Variants in COIL observed in about 807,000 individuals in gnomAD.
COIL encodes the protein coilin, also known as coilin p80.
Under a neutral mutation model 51.6 loss-of-function variants are expected in COIL, and 28 were observed. The ratio of observed to expected loss-of-function variants is 0.54; its 90% CI spans 0.40 to 0.74. The LOEUF (loss-of-function observed/expected upper bound fraction) is 0.74, where lower values mean the gene tolerates loss of function less well. Ranked by LOEUF, COIL falls within the 30% of genes least tolerant of loss-of-function variation. The pLI is 0.00. For synonymous variants in COIL, 233 were observed against 255.8 expected (o/e 0.91, Z 0.85); for missense variants, 667 against 685.9 (o/e 0.97, Z 0.31).
At position 56,960,989 on chromosome 17, in the gene COIL, G is replaced by A; in HGVS notation, c.31C>T (p.Leu11Phe). The A allele has an allele frequency of 6.2e-7, 1 of 1,613,958 alleles. No individual in the cohort carries two copies. The highest frequency in any genetic ancestry group is 8.5e-7 in the Non-Finnish European group (1 of 1,179,912). Reference protein sequence around the residue: MAASETVRLRLQFDYPPPATP... With the variant: MAASETVRLRFQFDYPPPATP... ...GCTGGCGGCGGGTAATCAAATTGAAGCCGTAGCCTAACCGTCTCGGAAGCT... is the reference window on the plus strand; with the variant it reads ...GCTGGCGGCGGGTAATCAAATTGAAACCGTAGCCTAACCGTCTCGGAAGCT... Residue 11 changes from leucine (L) to phenylalanine (F), a missense_variant, in exon 1 of 7, where the codon CTT becomes TTT. By Grantham distance (22) the Leu-to-Phe change is conservative. Coordinates refer to ENST00000240316, the MANE Select transcript of COIL (RefSeq NM_004645.3).
chr17:56,953,578 C>T (rs1422864970), intron 1 of COIL, among the ~76,000 whole-genome samples: 1 of 152,094 alleles, frequency 6.6e-6, no homozygotes, highest in Non-Finnish European at 1.5e-5. Flanking sequence ...AAGGCATTTA[C>T]ATTCAGCTAT....
In COIL at chr17:56,954,447, G is replaced by T. The variant is rs538340332; in HGVS notation, c.246-3451C>A. Among the ~76,000 whole-genome samples, 31 of 152,156 alleles carry T rather than the reference G, an allele frequency of 2.0e-4. No homozygotes were observed. In the South Asian group the frequency reaches 6.4e-3, roughly 32 times the overall value. ...ATGGTGGCATGCGCCTGTAGTCCCA[G>T]CTACTCGGGAAGCTGAGGCAGAAGA... is the stretch of plus-strand genomic sequence containing the variant. On this transcript the variant is annotated intron_variant, in intron 1 of 6. Coordinates refer to ENST00000240316, the MANE Select transcript of COIL (RefSeq NM_004645.3).
intron 6 of COIL, among the ~76,000 whole-genome samples, chr17:56,941,601 G>A (rs771109420): frequency 6.6e-6 from 1 of 152,144 alleles, no homozygotes. Flanking sequence ...GGTAACACTT[G>A]GGGGATAGTG....
chr17:56,939,193 T>C, intron 6 of COIL, 39 bp from the exon 7 acceptor site: 1 of 1,082,304 alleles, frequency 9.2e-7, no homozygotes, highest in Middle Eastern at 2.0e-4. Flanking sequence ...AGGCACTTCA[T>C]TTTGAGGTCA....
In COIL at chr17:56,949,959, T is replaced by C. The variant is rs1217277133; in HGVS notation, c.1283A>G (p.Asn428Ser). The C allele has an allele frequency of 6.2e-7, 1 of 1,614,152 alleles. No homozygotes were observed. Among genetic ancestry groups the C allele is most frequent in the Admixed American group, 1.7e-5 (1 of 60,026 alleles). Residue 428 changes from asparagine to serine, a missense_variant, in exon 2 of 7, where the codon AAT (asparagine) becomes AGT (serine). Asn to Ser is a conservative substitution (Grantham distance 46). Coordinates refer to ENST00000240316, the MANE Select transcript of COIL (RefSeq NM_004645.3). ...TTGCCTCTGGTTGTCAGTGCTTCTA[T>C]TTACAACACAGGAAACAGGATGCCC... ...GRGHPVSCVV[N>S]RSTDNQRQQQ...
chr17:56,955,954 G>A (rs1910475196), intron 1 of COIL, among the ~76,000 whole-genome samples: 1 of 152,140 alleles, frequency 6.6e-6, no homozygotes, highest in South Asian at 2.1e-4. Context: ...AGAAAAGAAT[G>A]ACATACATCA....
intron 5 of COIL, among the ~76,000 whole-genome samples, chr17:56,943,122 G>C (rs1910179136): frequency 6.6e-6 from 1 of 152,160 alleles, no homozygotes; most frequent in Non-Finnish European, 1.5e-5. Context: ...AACAGTGCTT[G>C]TGTTCTTGCC....
chr17:56,952,346 AC>A, intron 1 of COIL: 2 of 446,778 alleles, frequency 4.5e-6, no homozygotes, highest in East Asian at 6.3e-5. Flanking sequence ...GGCATCATAG[AC>A]CACGAAGAAG....
rs551997942 is a variant in COIL, at chr17:56,950,818, T to A, written c.424A>T (p.Asn142Tyr). Residue 142 changes from asparagine to tyrosine, a missense_variant, in exon 2 of 7, where the codon AAT becomes TAT. Coordinates refer to ENST00000240316, the MANE Select transcript of COIL (RefSeq NM_004645.3). ...HWKSRENNNNNEKVLDLEPKA... is the reference protein window; with the variant it reads ...HWKSRENNNNYEKVLDLEPKA... ...GGTTCCAGATCCAAGACCTTCTCAT[T>A]ATTGTTATTGTTCTCTCGACTCTTC... 3 of 1,614,124 alleles carry A rather than the reference T, an allele frequency of 1.9e-6. No individual in the cohort carries two copies. The highest frequency in any genetic ancestry group is 2.2e-5 in the East Asian group (1 of 44,884).
In COIL at chr17:56,938,723, C is replaced by T. The variant is rs117110855; in HGVS notation, c.*348G>A. ...ACTTAAAACTTATTGAGACAAGATA[C>T]GCAGCACATTCTTGGTATTATAAAC... On this transcript the variant is annotated 3_prime_UTR_variant, in exon 7 of 7. Coordinates refer to ENST00000240316, the MANE Select transcript of COIL (RefSeq NM_004645.3). The T allele has an allele frequency of 2.4e-3, 402 of 166,126 alleles. No individual in the cohort carries two copies. The highest frequency in any genetic ancestry group is 5.3e-3 in the Middle Eastern group (2 of 374). The allele number at this position is 166,126 out of a possible 1,614,324, so 10.3% of individuals were successfully genotyped here. A position where few individuals can be genotyped will look rare whatever the true frequency, so the allele number is the denominator to read the frequency against.
intron 1 of COIL, among the ~76,000 whole-genome samples, chr17:56,951,957 T>C (rs751937788): frequency 2.9e-4 from 44 of 152,154 alleles, no homozygotes; most frequent in Non-Finnish European, 5.1e-4. Context: ...CCTGCCACTA[T>C]GCCTCGCTAA....
intron 4 of COIL, among the ~76,000 whole-genome samples, chr17:56,946,912 T>C (rs1435884814): frequency 1.3e-5 from 2 of 152,180 alleles, no homozygotes; most frequent in Admixed American, 6.5e-5. Context: ...AGACTAGATA[T>C]ATCCTAATGG....
intron 4 of COIL, among the ~76,000 whole-genome samples, chr17:56,948,484 A>G (rs907457245): frequency 2.6e-5 from 4 of 152,052 alleles, no homozygotes; most frequent in East Asian, 1.9e-4. Context: ...CAAGGCATCA[A>G]TCCAGATTAA....
Position 56,949,942 on chromosome 17 carries a change from GGTTGTCA to G in COIL, c.1293_1299del (p.Asp432ArgfsTer6), listed in dbSNP as rs752028107. 29 of 1,614,010 alleles carry G rather than the reference GGTTGTCA, an allele frequency of 1.8e-5. 1 individual carries two copies. Among genetic ancestry groups the G allele is most frequent in the Non-Finnish European group, 2.0e-5 (24 of 1,180,020 alleles). On this transcript the variant is annotated frameshift_variant, in exon 2 of 7. Coordinates refer to ENST00000240316, the MANE Select transcript of COIL (RefSeq NM_004645.3). LOFTEE classifies it high-confidence loss of function. The stretch of plus-strand genomic sequence containing the variant: ...ACGTCATTTAATTGCTGTTGCCTCT[GGTTGTCA>G]GTGCTTCTATTTACAACACAGGAAA...
In COIL at chr17:56,950,610, C is replaced by G; in HGVS notation, c.632G>C (p.Trp211Ser). ...TGGAGAACTACATCTCTGATTGGCCCAGTCTTTCACTGCCTGTACTTTCGG... is the reference window on the plus strand; with the variant it reads ...TGGAGAACTACATCTCTGATTGGCCGAGTCTTTCACTGCCTGTACTTTCGG... ...KSPKVQAVKD[W>S]ANQRCSSPKG... The change falls in exon 2 of 7, where the codon TGG becomes TCG. Residue 211 changes from tryptophan (W) to serine (S), a missense_variant. Trp to Ser is a radical substitution (Grantham distance 177). Coordinates refer to ENST00000240316, the MANE Select transcript of COIL (RefSeq NM_004645.3). 1 of 1,614,182 alleles carries G rather than the reference C, an allele frequency of 6.2e-7. No individual in the cohort carries two copies. Among genetic ancestry groups the G allele is most frequent in the Non-Finnish European group, 8.5e-7 (1 of 1,180,014 alleles).
chr17:56,955,318 C>A (rs79342283), intron 1 of COIL, among the ~76,000 whole-genome samples: 14,048 of 152,232 alleles, frequency 0.092, 732 homozygotes, highest in East Asian at 0.15. Context: ...CCGCCTCGGC[C>A]TCCCAAAAGT....
At chr17:56,942,941 C>T (rs867094691) in intron 5 of COIL, among the ~76,000 whole-genome samples, 21 of 152,126 alleles carry the variant, frequency 1.4e-4, no homozygotes, top group African/African-American at 5.1e-4. Flanking sequence ...AAAAATTTTG[C>T]CAAAACATTA....
intron 6 of COIL, chr17:56,939,998 A>G (rs914659033): frequency 1.3e-5 from 2 of 152,014 alleles, no homozygotes; most frequent in South Asian, 2.1e-4. Flanking sequence ...CTTATCCTAC[A>G]CTACCTAAAA....
In COIL at chr17:56,950,916, G is replaced by A. The variant is rs774291142; in HGVS notation, c.326C>T (p.Ala109Val). 1 of 1,613,490 alleles carries A rather than the reference G, an allele frequency of 6.2e-7. No individual in the cohort carries two copies. Among genetic ancestry groups the A allele is most frequent in the Non-Finnish European group, 8.5e-7 (1 of 1,179,996 alleles). ...NGDINLSLRK[A>V]KKRAFQLEEG... ...CTCTAACTGAAATGCCCGCTTCTTT[G>A]CTTTTCTAAGAGATAAATTAATGTC... The change falls in exon 2 of 7, where the codon GCA becomes GTA. Residue 109 changes from alanine (A) to valine (V), a missense_variant. Ala to Val is a moderately conservative substitution (Grantham distance 64, BLOSUM62 0). Transcript: ENST00000240316.
Sources: gnomAD v4.1 joint callset for allele counts (sites outside exome capture counted in the v4.1 genomes callset) on GRCh38, gnomAD v4.1.1 for gene constraint, MANE v1.5 for transcripts, NCBI Gene and HGNC (gene_info 2026-07-23, HGNC 2026-07-21) for gene names.